STK38L: variants seen among roughly 807,000 people sequenced by gnomAD.
STK38L encodes the protein serine/threonine kinase 38 like, also known as serine/threonine-protein kinase 38-like.
STK38L carries 28 observed loss-of-function variants against 59.7 expected under a neutral mutation model. The observed-to-expected ratio is 0.47, with a 90% CI of 0.35 to 0.64. STK38L has a LOEUF of 0.64. Among genes scored for constraint, STK38L ranks in the 30% least tolerant of loss-of-function variants. STK38L has a pLI of 0.01. For synonymous variants in STK38L, 162 were observed against 176.8 expected, an observed-to-expected ratio of 0.92 and a Z score of 0.66; for missense variants, 314 against 555.8, an observed-to-expected ratio of 0.56 and a Z score of 4.37.
chr12:27,301,556 G>T (rs376619666), intron 2 of STK38L, among the ~76,000 whole-genome samples: 5 of 152,246 alleles, frequency 3.3e-5, no homozygotes, highest in African/African-American at 9.6e-5. Flanking sequence ...CACCGCACCC[G>T]GCCGCTGGTG....
chr12:27,268,552 TATTGTG>T (rs1035081660), intron 1 of STK38L, among the ~76,000 whole-genome samples: 1 of 152,228 alleles, frequency 6.6e-6, no homozygotes, highest in African/African-American at 2.4e-5. Flanking sequence ...AAGTCTTTGT[TATTGTG>T]AATAGTGCCA....
chr12:27,255,643 GA>G, intron 1 of STK38L, among the ~76,000 whole-genome samples: 1 of 152,096 alleles, frequency 6.6e-6, no homozygotes. Flanking sequence ...TAAAGACAAG[GA>G]ACTTAACAGA....
rs543383326 is a variant in STK38L, at chr12:27,269,992, C to A, written c.-12+25660C>A. Among the ~76,000 whole-genome samples, 5 of 152,140 alleles carry A rather than the reference C, an allele frequency of 3.3e-5. No individual in the cohort carries two copies. In the East Asian group the frequency reaches 9.6e-4, roughly 29 times the overall value. ...TTTGCTGCTGTTTCTTTTTTTGAAC[C>A]CCAGGAAAAAATTAACTCATTTAAT... is the stretch of plus-strand genomic sequence containing the variant. On this transcript the variant is annotated intron_variant, in intron 1 of 13. Transcript: ENST00000389032.
chr12:27,271,706 A>AT (rs1301899969), intron 1 of STK38L, among the ~76,000 whole-genome samples: 1 of 152,026 alleles, frequency 6.6e-6, no homozygotes, highest in Non-Finnish European at 1.5e-5. Flanking sequence ...TTATTTTTGT[A>AT]TTTTTTATTT....
At chr12:27,303,990 A>C (rs377554544) in intron 3 of STK38L, among the ~76,000 whole-genome samples, 1 of 152,312 alleles carries the variant, frequency 6.6e-6, no homozygotes, top group East Asian at 1.9e-4. Context: ...TGCTGAGTGC[A>C]GTGGCACACA....
rs1944380089 is a variant in STK38L at position 27,308,853 on chromosome 12, T to A, written c.310-261T>A. On this transcript the variant is annotated intron_variant, in intron 4 of 13. Coordinates refer to ENST00000389032, the MANE Select transcript of STK38L (RefSeq NM_015000.4). This position sits in a 1 kb window ranked among gnomAD's most constrained non-coding sequence, Gnocchi z 4.5. ...ATATATATGTGTTTGTATGTATATA[T>A]AAAAAAATATATATAAATATAAATA... Among the ~76,000 whole-genome samples, 1 of 139,478 alleles carries A rather than the reference T, an allele frequency of 7.2e-6. No homozygotes were observed. The highest frequency in any genetic ancestry group is 2.2e-4 in the South Asian group (1 of 4,506). 91.5% of individuals were successfully genotyped at this position (139,478 alleles called of 152,430 possible).
At chr12:27,275,994 C>T (rs572746528) in intron 1 of STK38L, among the ~76,000 whole-genome samples, 4 of 152,268 alleles carry the variant, frequency 2.6e-5, no homozygotes, top group African/African-American at 9.6e-5. Flanking sequence ...GCTCCCTGAT[C>T]CCCTTGCCAT....
intron 1 of STK38L, among the ~76,000 whole-genome samples, chr12:27,268,318 T>C (rs1212767856): frequency 6.6e-6 from 1 of 152,076 alleles, no homozygotes; most frequent in African/African-American, 2.4e-5. Context: ...CCGTCCTGTG[T>C]CCATGTGTTC....
At chr12:27,297,352 A>G (rs1180340569) in intron 1 of STK38L, among the ~76,000 whole-genome samples, 2 of 152,244 alleles carry the variant, frequency 1.3e-5, no homozygotes, top group Non-Finnish European at 2.9e-5. Context: ...TATTAGCACT[A>G]TCTTATAGAT....
At chr12:27,279,258 G>C (rs915879819) in intron 1 of STK38L, among the ~76,000 whole-genome samples, 8 of 152,168 alleles carry the variant, frequency 5.3e-5, no homozygotes, top group Non-Finnish European at 8.8e-5. Context: ...AAGTCAAGGA[G>C]CATCTTTTTA....
At chr12:27,264,261 C>A (rs1246454838) in intron 1 of STK38L, among the ~76,000 whole-genome samples, 1 of 152,042 alleles carries the variant, frequency 6.6e-6, no homozygotes. Context: ...TCAGGAAGAC[C>A]CACTTGAATG....
chr12:27,312,436 C>G, intron 5 of STK38L, 113 bp from the exon 6 acceptor site: 2 of 1,169,256 alleles, frequency 1.7e-6, no homozygotes, highest in South Asian at 1.6e-5. Flanking sequence ...ATCAAATCTT[C>G]TGAAACTCCA....
chr12:27,294,209 GC>G (rs1943958220), intron 1 of STK38L, among the ~76,000 whole-genome samples: 1 of 152,144 alleles, frequency 6.6e-6, no homozygotes, highest in African/African-American at 2.4e-5. Context: ...GATTCAGGAT[GC>G]ATGTTAGCAT....
chr12:27,309,139 CA>C lies in STK38L; in HGVS notation c.336del (p.Gly113AlafsTer6). On this transcript the variant is annotated frameshift_variant, in exon 5 of 14. Coordinates refer to ENST00000389032, the MANE Select transcript of STK38L (RefSeq NM_015000.4). LOFTEE classifies it high-confidence loss of function. Reference sequence around the variant, plus strand: ...GTGCGGTTGGTCCAGAAGAAAGATACAGGCCATATCTATGCAATGAAGATAT... The same window carrying C: ...GTGCGGTTGGTCCAGAAGAAAGATACGGCCATATCTATGCAATGAAGATAT... The part of the protein sequence containing the change: ...GEVRLVQKKD[T>X]GHIYAMKILR... 6.3e-7 allele frequency: 1 copy of C among 1,594,128 alleles called. No homozygotes were observed. Among genetic ancestry groups the C allele is most frequent in the Non-Finnish European group, 8.5e-7 (1 of 1,170,578 alleles).
At chr12:27,267,729 C>A (rs918697507) in intron 1 of STK38L, among the ~76,000 whole-genome samples, 3 of 40,322 alleles carry the variant, frequency 7.4e-5, no homozygotes, top group African/African-American at 2.4e-4. Context: ...TCCCATTGTT[C>A]TTCCTCATTC....
chr12:27,254,196 C>T (rs1487417459), intron 1 of STK38L, among the ~76,000 whole-genome samples: 2 of 152,176 alleles, frequency 1.3e-5, no homozygotes, highest in South Asian at 2.1e-4. Context: ...GTGGTAGGAA[C>T]ATGATTATTT....
At chr12:27,314,709 A>C (rs747499663) in intron 7 of STK38L, 51 bp downstream of exon 7, 1 of 1,522,876 alleles carries the variant, frequency 6.6e-7, no homozygotes, top group Non-Finnish European at 8.8e-7. Context: ...TTTTTAGAGC[A>C]GTAGGGCTGA....
At chr12:27,250,125 G>T (rs1942940638) in intron 1 of STK38L, among the ~76,000 whole-genome samples, 1 of 152,222 alleles carries the variant, frequency 6.6e-6, no homozygotes, top group Non-Finnish European at 1.5e-5. Context: ...GTCTGTGAAA[G>T]TTTAGAAAAT....
intron 1 of STK38L, among the ~76,000 whole-genome samples, chr12:27,278,536 T>C (rs1943585314): frequency 6.6e-6 from 1 of 152,220 alleles, no homozygotes; most frequent in Non-Finnish European, 1.5e-5. Flanking sequence ...CTTGGTACAT[T>C]GATAGGTGCT....
Sources: gnomAD v4.1 joint callset for allele counts (sites outside exome capture counted in the v4.1 genomes callset) on GRCh38, gnomAD v4.1.1 for gene constraint, Gnocchi (gnomAD v3.1) non-coding constraint, MANE v1.5 for transcripts, NCBI Gene and HGNC (gene_info 2026-07-23, HGNC 2026-07-21) for gene names.